The following BRINP1 variants were observed in gnomAD, a reference collection of about 807,000 sequenced individuals.
BRINP1 encodes BMP/retinoic acid-inducible neural-specific protein 1.
A neutral mutation model predicts 72.9 loss-of-function variants in BRINP1; 17 were observed. The observed-to-expected ratio is 0.23, with a 90% CI of 0.16 to 0.35. BRINP1 has a LOEUF of 0.35. BRINP1 is among the 10% of genes least tolerant of loss of function. BRINP1 has a pLI of 1.00. For missense variants in BRINP1, 850 were observed against 1,001.6 expected (o/e 0.85, Z 2.04); for synonymous variants, 418 against 378.5 (o/e 1.10, Z -1.21).
chr9:119,342,114 T>A (rs1280414617), intron 1 of BRINP1, among the ~76,000 whole-genome samples: 1 of 148,502 alleles, frequency 6.7e-6, no homozygotes, highest in African/African-American at 2.6e-5. Flanking sequence ...GATCAGAGAC[T>A]TGGATAGGCA....
chr9:119,225,705 G>T (rs1830083496), intron 5 of BRINP1, among the ~76,000 whole-genome samples: 1 of 151,948 alleles, frequency 6.6e-6, no homozygotes, highest in Non-Finnish European at 1.5e-5. Flanking sequence ...CAGATTAGTA[G>T]TTATCAGGGG....
At chr9:119,289,947 C>A (rs554532077) in intron 2 of BRINP1, among the ~76,000 whole-genome samples, 43 of 152,280 alleles carry the variant, frequency 2.8e-4, no homozygotes, top group Non-Finnish European at 5.7e-4. Flanking sequence ...CTGATTGGTC[C>A]AAGCTTACAC....
chr9:119,214,274 A>T, intron 5 of BRINP1, 119 bp from the exon 6 acceptor site: 1 of 739,802 alleles, frequency 1.4e-6, no homozygotes, highest in Non-Finnish European at 2.2e-6. Flanking sequence ...GTGTATTGGA[A>T]CCAATATATT....
intron 7 of BRINP1, among the ~76,000 whole-genome samples, chr9:119,174,132 A>G (rs1187887938): frequency 6.7e-6 from 1 of 149,014 alleles, no homozygotes; most frequent in Non-Finnish European, 1.5e-5. Context: ...TAATTAAACT[A>G]AAGAGCTTCT....
At position 119,166,919 on chromosome 9, in the gene BRINP1, G is replaced by A; in HGVS notation, c.*165C>T. ...CAAACATGCCCAACGCTTTTATACA[G>A]TTGCTAGAACGTTTTCATTTCCAAC... is the stretch of plus-strand genomic sequence containing the variant. On this transcript the variant is annotated 3_prime_UTR_variant, in exon 8 of 8. Coordinates refer to ENST00000265922, the MANE Select transcript of BRINP1 (RefSeq NM_014618.3). 1 of 739,716 alleles carries A rather than the reference G, an allele frequency of 1.4e-6. No homozygotes were observed. Among genetic ancestry groups the A allele is most frequent in the Non-Finnish European group, 2.2e-6 (1 of 458,084 alleles). The allele number at this position is 739,716 out of a possible 1,614,324, so 45.8% of individuals were successfully genotyped here.
chr9:119,204,523 TA>T (rs909072502), intron 7 of BRINP1, among the ~76,000 whole-genome samples: 3 of 152,162 alleles, frequency 2.0e-5, no homozygotes, highest in African/African-American at 7.2e-5. Flanking sequence ...CCTTTATCTG[TA>T]AAATAGGAAT....
intron 6 of BRINP1, among the ~76,000 whole-genome samples, chr9:119,211,702 A>G (rs904839352): frequency 3.9e-5 from 6 of 152,232 alleles, no homozygotes; most frequent in African/African-American, 1.2e-4. Context: ...AAAATGGACC[A>G]AAGGAAAACT....
chr9:119,221,126 A>AT (rs1414019993), intron 5 of BRINP1, among the ~76,000 whole-genome samples: 1 of 152,106 alleles, frequency 6.6e-6, no homozygotes, highest in Non-Finnish European at 1.5e-5. Context: ...GAATATAAAT[A>AT]TTTTTCTATC....
chr9:119,303,159 A>G (rs1830957067), intron 2 of BRINP1, among the ~76,000 whole-genome samples: 1 of 152,148 alleles, frequency 6.6e-6, no homozygotes, highest in Admixed American at 6.5e-5. Flanking sequence ...GTGTCATGCT[A>G]GAGTCGCAGA....
rs1387926048 is a variant in BRINP1, at chr9:119,175,282, AAC to A, written c.1146-7060_1146-7059del. 2.6e-5 allele frequency among the ~76,000 whole-genome samples: 4 copies of A among 151,906 alleles called. No homozygotes were observed. The East Asian group carries it at 7.8e-4, about 29-fold the overall frequency. ...TAACAAACATAAGAACAGAAAACAA[AAC>A]ACTGTATGTTCTCACTAGTAAGTGG... On this transcript the variant is annotated intron_variant, in intron 7 of 7. Coordinates refer to ENST00000265922, the MANE Select transcript of BRINP1 (RefSeq NM_014618.3).
At chr9:119,316,832 G>T (rs1831129838) in intron 1 of BRINP1, among the ~76,000 whole-genome samples, 1 of 152,034 alleles carries the variant, frequency 6.6e-6, no homozygotes, top group South Asian at 2.1e-4. Flanking sequence ...ATAGATCAAG[G>T]CATGATTTTG....
chr9:119,325,820 T>C (rs1270930923), intron 1 of BRINP1, among the ~76,000 whole-genome samples: 2 of 152,174 alleles, frequency 1.3e-5, no homozygotes, highest in Non-Finnish European at 2.9e-5. Context: ...GCTGAATCCT[T>C]TTCCTACTTC....
At chr9:119,247,319 G>GGTTGGTT (rs1588176461) in intron 3 of BRINP1, among the ~76,000 whole-genome samples, 1 of 113,366 alleles carries the variant, frequency 8.8e-6, no homozygotes, top group Non-Finnish European at 2.0e-5. Flanking sequence ...GTTGGTTGGT[G>GGTTGGTT]GAGCGGGTAT....
intron 2 of BRINP1, among the ~76,000 whole-genome samples, chr9:119,298,347 G>A (rs1283964059): frequency 1.3e-5 from 2 of 152,120 alleles, no homozygotes; most frequent in African/African-American, 4.8e-5. Context: ...TGGGGGCTGG[G>A]GGGCAGGTAA....
chr9:119,327,796 G>A (rs1298366354), intron 1 of BRINP1, among the ~76,000 whole-genome samples: 2 of 152,120 alleles, frequency 1.3e-5, no homozygotes, highest in African/African-American at 4.8e-5. Flanking sequence ...AAGAATAATG[G>A]AAAAGGAATG....
intron 1 of BRINP1, among the ~76,000 whole-genome samples, chr9:119,338,495 G>A (rs1194974523): frequency 6.6e-6 from 1 of 151,244 alleles, no homozygotes; most frequent in Non-Finnish European, 1.5e-5. Context: ...CCTTACTCTG[G>A]CAGTCACTTC....
In BRINP1 at chr9:119,368,321, G is replaced by A. The variant is rs1463217142; in HGVS notation, c.-51+735C>T. Among the ~76,000 whole-genome samples, 1 of 152,128 alleles carries A rather than the reference G, an allele frequency of 6.6e-6. No homozygotes were observed. Among genetic ancestry groups the A allele is most frequent in the Non-Finnish European group, 1.5e-5 (1 of 68,032 alleles). On this transcript the variant is annotated intron_variant, in intron 1 of 7. Coordinates refer to ENST00000265922, the MANE Select transcript of BRINP1 (RefSeq NM_014618.3). This position sits in a 1 kb window ranked among gnomAD's most constrained non-coding sequence, Gnocchi z 4.7. ...CCATCAGAATCTTGGAGTCTGCCCA[G>A]TGTAGAATTTAAAGTGACAGCGTCT...
chr9:119,262,242 C>T (rs979663004), intron 2 of BRINP1, among the ~76,000 whole-genome samples: 9 of 152,102 alleles, frequency 5.9e-5, no homozygotes, highest in Non-Finnish European at 5.9e-5. Context: ...CATTATGAGA[C>T]CCAAGTCTAT....
At chr9:119,331,042 C>T (rs540081514) in intron 1 of BRINP1, among the ~76,000 whole-genome samples, 1 of 152,272 alleles carries the variant, frequency 6.6e-6, no homozygotes, top group South Asian at 2.1e-4. Context: ...AACAAAACAA[C>T]AGCAACAACA....
Sources: gnomAD v4.1 joint callset for allele counts (sites outside exome capture counted in the v4.1 genomes callset) on GRCh38, gnomAD v4.1.1 for gene constraint, Gnocchi (gnomAD v3.1) non-coding constraint, MANE v1.5 for transcripts, NCBI Gene and HGNC (gene_info 2026-07-23, HGNC 2026-07-21) for gene names.